FGD4: variants seen among roughly 807,000 people sequenced by gnomAD.
FGD4 encodes the protein FYVE, RhoGEF and PH domain containing 4, also known as FYVE, RhoGEF and PH domain-containing protein 4.
A neutral mutation model predicts 102.0 loss-of-function variants in FGD4; 42 were observed. The observed-to-expected ratio is 0.41, with a 90% CI of 0.32 to 0.53. FGD4 has a LOEUF of 0.53. Among genes scored for constraint, FGD4 ranks in the 20% least tolerant of loss-of-function variants. The pLI is 0.21. For missense variants in FGD4, 902 were observed against 1,078.2 expected (o/e 0.84, Z 2.29); for synonymous variants, 380 against 375.7 (o/e 1.01, Z -0.13).
chr12:32,599,562 TTTG>T (rs1275552690), intron 5 of FGD4, among the ~76,000 whole-genome samples: 1,447 of 78,046 alleles, frequency 0.019, 37 homozygotes, highest in Non-Finnish European at 0.026. Flanking sequence ...TTTTTTTTTT[TTTG>T]GAGATGGAGT....
intron 4 of FGD4, among the ~76,000 whole-genome samples, chr12:32,586,790 A>T (rs1053205023): frequency 1.3e-5 from 2 of 152,222 alleles, no homozygotes; most frequent in Non-Finnish European, 2.9e-5. Flanking sequence ...CATGAACTAC[A>T]AGAGAATGGA....
At chr12:32,537,274 T>TA (rs1458172098) in intron 1 of FGD4, among the ~76,000 whole-genome samples, 1 of 152,170 alleles carries the variant, frequency 6.6e-6, no homozygotes, top group Non-Finnish European at 1.5e-5. Context: ...ATTTTTCTCT[T>TA]ATGTACAATC....
intron 1 of FGD4, among the ~76,000 whole-genome samples, chr12:32,462,277 C>A (rs1312619815): frequency 6.6e-6 from 1 of 152,174 alleles, no homozygotes; most frequent in East Asian, 1.9e-4. Flanking sequence ...CTTCTTCAGC[C>A]TCCCAAGTAG....
In FGD4 at chr12:32,610,856, C is replaced by T. The variant is rs768563346; in HGVS notation, c.1602+22C>T. The T allele has an allele frequency of 3.1e-6, 5 of 1,610,390 alleles. No individual in the cohort carries two copies. The South Asian group carries it at 5.5e-5, about 18-fold the overall frequency. On this transcript the variant is annotated intron_variant, in intron 9 of 16. Coordinates refer to ENST00000534526, the MANE Select transcript of FGD4 (RefSeq NM_001370298.3). ...AATGGTAAGTGGTTTTCGGAGGAGA[C>T]AGGAACCTCTGATTAGACAATTATC...
chr12:32,473,890 A>G (rs995423691), intron 1 of FGD4, among the ~76,000 whole-genome samples: 1 of 152,078 alleles, frequency 6.6e-6, no homozygotes, highest in African/African-American at 2.4e-5. Flanking sequence ...GATCGAGACC[A>G]TCATGGCTAA....
At chr12:32,461,450 G>A (rs945912975) in intron 1 of FGD4, among the ~76,000 whole-genome samples, 6 of 152,126 alleles carry the variant, frequency 3.9e-5, no homozygotes, top group Admixed American at 3.9e-4. Flanking sequence ...GAAGAGATTA[G>A]TAGTAACATT....
chr12:32,561,371 G>A (rs528080024), intron 1 of FGD4, among the ~76,000 whole-genome samples: 1 of 152,204 alleles, frequency 6.6e-6, no homozygotes, highest in East Asian at 1.9e-4. Context: ...ACAGGCATGA[G>A]CCACCGCACC....
chr12:32,446,094 A>T (rs990479617), intron 1 of FGD4, among the ~76,000 whole-genome samples: 55 of 152,174 alleles, frequency 3.6e-4, no homozygotes, highest in Non-Finnish European at 4.4e-5. Context: ...TCAGGGCTGT[A>T]GTGAGCCAGA....
chr12:32,623,424 C>T (rs139324236), intron 11 of FGD4, among the ~76,000 whole-genome samples: 1 of 152,250 alleles, frequency 6.6e-6, no homozygotes, highest in East Asian at 1.9e-4. Flanking sequence ...GAAGCTTCCA[C>T]TTGGCAGACA....
chr12:32,576,192 C>T lies in FGD4; in HGVS notation c.320-74C>T, dbSNP rs1328853355. 4 of 1,463,234 alleles carry T rather than the reference C, an allele frequency of 2.7e-6. No homozygotes were observed. The South Asian group carries it at 3.7e-5, about 14-fold the overall frequency. The allele number at this position is 1,463,234 out of a possible 1,614,324, so 90.6% of individuals were successfully genotyped here. A position where few individuals can be genotyped will look rare whatever the true frequency, so the allele number is the denominator to read the frequency against. ...TTTTATAATGCTGAATATTTTTGCA[C>T]CCAGGACACCAGAATTTTTATTGTT... On this transcript the variant is annotated intron_variant, in intron 2 of 16. Coordinates refer to ENST00000534526, the MANE Select transcript of FGD4 (RefSeq NM_001370298.3).
At chr12:32,432,066 T>TC (rs1942064950) in intron 1 of FGD4, among the ~76,000 whole-genome samples, 1 of 146,436 alleles carries the variant, frequency 6.8e-6, no homozygotes, top group East Asian at 2.0e-4. Flanking sequence ...TTTTTTTTTT[T>TC]TTTTTTTTTT....
intron 1 of FGD4, among the ~76,000 whole-genome samples, chr12:32,453,235 ATATTT>A (rs200417717): frequency 0.037 from 1,828 of 49,654 alleles, 104 homozygotes; most frequent in East Asian, 0.33. Flanking sequence ...AGATATATAT[ATATTT>A]TTTTTTTTTT....
At chr12:32,607,149 G>A (rs941797418) in intron 7 of FGD4, among the ~76,000 whole-genome samples, 7 of 152,220 alleles carry the variant, frequency 4.6e-5, no homozygotes, top group African/African-American at 1.7e-4. Context: ...GTGACTAATT[G>A]AAGTGGTTAT....
chr12:32,588,880 T>A lies in FGD4; in HGVS notation c.1011+6413T>A, dbSNP rs76570413. On this transcript the variant is annotated intron_variant, in intron 4 of 16. Coordinates refer to ENST00000534526, the MANE Select transcript of FGD4 (RefSeq NM_001370298.3). ...TGTAGAAAGACCCAGTTTAGTTGAG[T>A]GTGAGAGAAATGGAAAGCTAAAATC... Among the ~76,000 whole-genome samples the A allele has an allele frequency of 0.044, 6,697 of 152,008 alleles. 736 individuals are homozygous for A. The East Asian group carries it at 0.45, about 10-fold the overall frequency.
At chr12:32,550,670 C>CA (rs71447606) in intron 1 of FGD4, among the ~76,000 whole-genome samples, 38,083 of 88,750 alleles carry the variant, frequency 0.43, 7,529 homozygotes, top group East Asian at 0.56. Context: ...GACACTGTCT[C>CA]AAAAAAAAAA....
At chr12:32,617,188 T>C (rs1235076612) in intron 10 of FGD4, among the ~76,000 whole-genome samples, 1 of 152,178 alleles carries the variant, frequency 6.6e-6, no homozygotes, top group Non-Finnish European at 1.5e-5. Flanking sequence ...TGGCAGCTAC[T>C]CTTGAAATAA....
intron 1 of FGD4, among the ~76,000 whole-genome samples, chr12:32,522,880 G>A (rs1223345379): frequency 2.0e-5 from 3 of 152,216 alleles, no homozygotes; most frequent in Admixed American, 6.5e-5. Context: ...GTAAACCACA[G>A]TGTTTGCAAG....
intron 1 of FGD4, among the ~76,000 whole-genome samples, chr12:32,560,780 C>T (rs947271542): frequency 2.6e-5 from 4 of 151,800 alleles, no homozygotes; most frequent in African/African-American, 9.7e-5. Context: ...GCTTCCTCAA[C>T]CTCCTGGGCT....
intron 4 of FGD4, among the ~76,000 whole-genome samples, chr12:32,587,298 C>G (rs1300802888): frequency 6.6e-6 from 1 of 151,892 alleles, no homozygotes; most frequent in African/African-American, 2.4e-5. Context: ...CCGTCACTTA[C>G]TAGCTAGGTG....
Sources: gnomAD v4.1 joint callset for allele counts (sites outside exome capture counted in the v4.1 genomes callset) on GRCh38, gnomAD v4.1.1 for gene constraint, MANE v1.5 for transcripts, NCBI Gene and HGNC (gene_info 2026-07-23, HGNC 2026-07-21) for gene names.